Variants in PRDM16 observed in about 807,000 individuals in gnomAD.
PRDM16 encodes histone-lysine N-methyltransferase PRDM16.
A neutral mutation model predicts 110.6 loss-of-function variants in PRDM16; 23 were observed. That is an observed-to-expected ratio of 0.21 (90% CI 0.15 to 0.29). The LOEUF is 0.29. Ranked by LOEUF, PRDM16 falls within the 10% of genes least tolerant of loss-of-function variation. The pLI, the probability that PRDM16 is intolerant of heterozygous loss-of-function variation, is 1.00. For synonymous variants in PRDM16, 799 were observed against 781.8 expected (o/e 1.02, Z -0.37); for missense variants, 1,615 against 1,794.3 (o/e 0.90, Z 1.81).
intron 2 of PRDM16, among the ~76,000 whole-genome samples, chr1:3,187,478 C>G (rs1300369452): frequency 6.6e-6 from 1 of 152,192 alleles, no homozygotes. Flanking sequence ...CCTGGTGGCT[C>G]GTGGCTCTGG....
chr1:3,222,811 A>T (rs895537978), intron 2 of PRDM16, among the ~76,000 whole-genome samples: 13 of 152,324 alleles, frequency 8.5e-5, no homozygotes, highest in Middle Eastern at 3.4e-3. Flanking sequence ...TCCATCTGTG[A>T]TTCCTGGGCT....
chr1:3,239,282 C>T (rs1425408917), intron 2 of PRDM16, among the ~76,000 whole-genome samples: 1 of 152,170 alleles, frequency 6.6e-6, no homozygotes, highest in Non-Finnish European at 1.5e-5. Context: ...TCCAGCCCTG[C>T]CAGGGGCACT....
chr1:3,297,744 G>A (rs1641121103), intron 3 of PRDM16, among the ~76,000 whole-genome samples: 1 of 152,184 alleles, frequency 6.6e-6, no homozygotes, highest in African/African-American at 2.4e-5. Context: ...GGAGCGGCAG[G>A]AAACAGGGGA....
At chr1:3,266,877 C>T (rs996292126) in intron 3 of PRDM16, among the ~76,000 whole-genome samples, 2 of 152,094 alleles carry the variant, frequency 1.3e-5, no homozygotes, top group African/African-American at 2.4e-5. Flanking sequence ...CGGATTTTGC[C>T]GTGTTGTCCA....
chr1:3,320,599 G>C (rs1299093075), intron 3 of PRDM16, among the ~76,000 whole-genome samples: 1 of 152,228 alleles, frequency 6.6e-6, no homozygotes, highest in East Asian at 1.9e-4. Flanking sequence ...GGGGCAGAGA[G>C]GAGGAATCAA....
chr1:3,227,590 G>A (rs1033162080), intron 2 of PRDM16, among the ~76,000 whole-genome samples: 3 of 152,262 alleles, frequency 2.0e-5, no homozygotes, highest in Non-Finnish European at 4.4e-5. Context: ...AGTGCCAAAA[G>A]GGAATCAGGA....
intron 3 of PRDM16, among the ~76,000 whole-genome samples, chr1:3,292,237 C>T (rs1298543424): frequency 6.6e-6 from 1 of 152,206 alleles, no homozygotes; most frequent in South Asian, 2.1e-4. Context: ...GGCCCGGCCT[C>T]AAGTCCTGTT....
rs1304531043 is a variant in PRDM16, at chr1:3,195,761, G to T, written c.387+9287G>T. On this transcript the variant is annotated intron_variant, in intron 2 of 16. Coordinates refer to ENST00000270722, the MANE Select transcript of PRDM16 (RefSeq NM_022114.4). ...GGGGGCGTGGCCCAGCCTCCCCCTA[G>T]GTCCCCCAAGGCTCCCTGTGAGAAC... Among the ~76,000 whole-genome samples the T allele has an allele frequency of 3.3e-5, 5 of 152,142 alleles. No homozygotes were observed. In the East Asian group the frequency reaches 9.7e-4, roughly 29 times the overall value.
At chr1:3,408,784 G>C (rs373317239) in intron 8 of PRDM16, among the ~76,000 whole-genome samples, 1 of 143,058 alleles carries the variant, frequency 7.0e-6, no homozygotes, top group Non-Finnish European at 1.5e-5. Context: ...GTGTGGGCGC[G>C]TGAGCCGGTG....
intron 3 of PRDM16, among the ~76,000 whole-genome samples, chr1:3,324,176 C>T (rs1381381456): frequency 2.6e-5 from 4 of 152,094 alleles, no homozygotes; most frequent in African/African-American, 9.7e-5. Context: ...GTCTCTCCCT[C>T]CGTCTCTCCC....
At chr1:3,227,129 A>G (rs1303717381) in intron 2 of PRDM16, among the ~76,000 whole-genome samples, 1 of 152,230 alleles carries the variant, frequency 6.6e-6, no homozygotes, top group Admixed American at 6.5e-5. Flanking sequence ...GTCTGTTACA[A>G]ATTAATGCCT....
chr1:3,117,190 C>T lies in PRDM16; in HGVS notation c.37+47894C>T, dbSNP rs542966340. Reference sequence around the variant, plus strand: ...GGATCATTCATCTCTGGTTTCTTGTCTCACACCGGCCTCTATGAGAGCGTC... The same window carrying T: ...GGATCATTCATCTCTGGTTTCTTGTTTCACACCGGCCTCTATGAGAGCGTC... On this transcript the variant is annotated intron_variant, in intron 1 of 16. Coordinates refer to ENST00000270722, the MANE Select transcript of PRDM16 (RefSeq NM_022114.4). Among the ~76,000 whole-genome samples, 7 of 152,330 alleles carry T rather than the reference C, an allele frequency of 4.6e-5. No homozygotes were observed. The East Asian group carries it at 1.4e-3, about 29-fold the overall frequency.
chr1:3,331,058 C>T (rs1234367909), intron 3 of PRDM16, among the ~76,000 whole-genome samples: 1 of 152,262 alleles, frequency 6.6e-6, no homozygotes. Flanking sequence ...ACAGGCCCCA[C>T]CGCCCACCCG....
intron 6 of PRDM16, among the ~76,000 whole-genome samples, chr1:3,403,779 C>T (rs542906990): frequency 2.6e-5 from 4 of 152,306 alleles, no homozygotes; most frequent in African/African-American, 9.6e-5. Context: ...CCTCCTCCTG[C>T]CTTTGAGGAT....
intron 1 of PRDM16, among the ~76,000 whole-genome samples, chr1:3,129,453 C>G (rs1187097980): frequency 6.6e-6 from 1 of 151,022 alleles, no homozygotes; most frequent in Admixed American, 6.6e-5. Flanking sequence ...GTGCATGTGT[C>G]TGTGTGTGCA....
intron 16 of PRDM16, among the ~76,000 whole-genome samples, chr1:3,432,972 C>G (rs1638807281): frequency 6.6e-6 from 1 of 152,222 alleles, no homozygotes; most frequent in African/African-American, 2.4e-5. Context: ...CTGCACATCC[C>G]TGTCCCAGAG....
chr1:3,267,104 GC>G (rs1390197642), intron 3 of PRDM16, among the ~76,000 whole-genome samples: 1 of 152,022 alleles, frequency 6.6e-6, no homozygotes, highest in African/African-American at 2.4e-5. Flanking sequence ...TTTTGCAGCC[GC>G]CTCTGTCTAG....
intron 1 of PRDM16, among the ~76,000 whole-genome samples, chr1:3,070,936 C>T (rs976760191): frequency 6.6e-6 from 1 of 152,256 alleles, no homozygotes; most frequent in Admixed American, 6.5e-5. Flanking sequence ...GACCTCTGAC[C>T]CCTCTTGGTG....
Position 3,196,223 on chromosome 1 carries a change from C to A in PRDM16, c.387+9749C>A, listed in dbSNP as rs539968872. ...CCCCACTAACAGCATGTAGGTGGGG[C>A]AGTCTCAACTCTGCGCCTTGCAGGC... On this transcript the variant is annotated intron_variant, in intron 2 of 16. Coordinates refer to ENST00000270722, the MANE Select transcript of PRDM16 (RefSeq NM_022114.4). 1.2e-4 allele frequency among the ~76,000 whole-genome samples: 18 copies of A among 152,216 alleles called. 1 individual carries two copies. The highest frequency in any genetic ancestry group is 7.2e-4 in the Admixed American group (11 of 15,286).
Sources: gnomAD v4.1 joint callset for allele counts (sites outside exome capture counted in the v4.1 genomes callset) on GRCh38, gnomAD v4.1.1 for gene constraint, MANE v1.5 for transcripts, NCBI Gene and HGNC (gene_info 2026-07-23, HGNC 2026-07-21) for gene names.